MASP1: variants seen among roughly 807,000 people sequenced by gnomAD.
MASP1 encodes the protein mannan-binding lectin serine protease 1.
MASP1 carries 59 observed loss-of-function variants against 77.1 expected under a neutral mutation model. That is an observed-to-expected ratio of 0.77 (90% CI 0.62 to 0.95). MASP1 has a LOEUF of 0.95. Ranked by LOEUF, MASP1 falls within the 40% of genes least tolerant of loss-of-function variation. The probability of loss-of-function intolerance (pLI) is 0.00; values close to 1 mark genes in which losing one functional copy is unlikely to be tolerated. For missense variants in MASP1, 885 were observed against 912.9 expected (o/e 0.97, Z 0.39); for synonymous variants, 362 against 354.5 (o/e 1.02, Z -0.24).
chr3:187,251,594 G>C (rs770045974), intron 7 of MASP1, 40 bp downstream of exon 7: 5 of 1,548,166 alleles, frequency 3.2e-6, no homozygotes, highest in Non-Finnish European at 4.5e-6. Flanking sequence ...GAGAGTTTCT[G>C]TGGCCTGGTC....
At chr3:187,276,852 G>A (rs1168355967) in intron 2 of MASP1, 1 of 152,176 alleles carries the variant, frequency 6.6e-6, no homozygotes. Flanking sequence ...TGGGGCCAAG[G>A]CCTCCTGTCC....
At chr3:187,286,443 TG>T (rs926011237) in intron 1 of MASP1, among the ~76,000 whole-genome samples, 50 of 152,372 alleles carry the variant, frequency 3.3e-4, no homozygotes, top group African/African-American at 1.1e-3. Context: ...GTTATCATAC[TG>T]GGTGAGGCTT....
chr3:187,232,604 T>C (rs1390046141), downstream of MASP1, among the ~76,000 whole-genome samples: 1 of 152,162 alleles, frequency 6.6e-6, no homozygotes, highest in Admixed American at 6.5e-5. Flanking sequence ...AACCCCATGT[T>C]CAATCAGTCG....
At chr3:187,248,670 T>G (rs1714306272) in intron 8 of MASP1, among the ~76,000 whole-genome samples, 1 of 152,112 alleles carries the variant, frequency 6.6e-6, no homozygotes, top group Non-Finnish European at 1.5e-5. Flanking sequence ...CCACCACCAC[T>G]TGAGTTCCGC....
chr3:187,256,163 C>T (rs915839438), intron 5 of MASP1, among the ~76,000 whole-genome samples: 1 of 152,170 alleles, frequency 6.6e-6, no homozygotes, highest in Non-Finnish European at 1.5e-5. Context: ...GACATAGCCT[C>T]TTCCCGCAAG....
Position 187,271,864 on chromosome 3 carries a change from G to A in MASP1, c.238-9144C>T, listed in dbSNP as rs753380397. 3.9e-4 allele frequency among the ~76,000 whole-genome samples: 59 copies of A among 152,100 alleles called. 1 individual carries two copies. The highest frequency in any genetic ancestry group is 2.9e-5 in the Non-Finnish European group (2 of 68,022). On this transcript the variant is annotated intron_variant, in intron 2 of 10. Transcript: ENST00000296280. Reference sequence around the variant, plus strand: ...CCCTTCATCACAGAACATGGCGTGGGAACTCCTCAGCACTCTGTCACCTCC... The same window carrying A: ...CCCTTCATCACAGAACATGGCGTGGAAACTCCTCAGCACTCTGTCACCTCC...
rs1461266869 is a variant in MASP1 at position 187,241,528 on chromosome 3, A to T, written c.1256T>A (p.Val419Asp). 1 of 1,613,448 alleles carries T rather than the reference A, an allele frequency of 6.2e-7. No individual in the cohort carries two copies. Among genetic ancestry groups the T allele is most frequent in the East Asian group, 2.2e-5 (1 of 44,854 alleles). ...TCTCCCCAATACTTTATTCATCCAGACTCCTTGGGCAGAACAGGTATATAT... is the reference window on the plus strand; with the variant it reads ...TCTCCCCAATACTTTATTCATCCAGTCTCCTTGGGCAGAACAGGTATATAT... ...TGIYTCSAQG[V>D]WMNKVLGRSL... Residue 419 changes from valine to aspartate, a missense_variant, in exon 10 of 11, where the codon GTC (valine) becomes GAC (aspartate). Val to Asp is a radical substitution (Grantham distance 152, BLOSUM62 -3). Transcript: ENST00000296280.
In MASP1 at chr3:187,235,708, A is replaced by C; in HGVS notation, c.2163T>G (p.Val721=). 6.2e-7 allele frequency: 1 copy of C among 1,614,158 alleles called. No homozygotes were observed. The highest frequency in any genetic ancestry group is 8.5e-7 in the Non-Finnish European group (1 of 1,180,024). ...CTCACCGTTCCACCTGGGGCTCCAC[A>C]ACACTTTGTGGTAAGCCCATCTGCT... is the stretch of plus-strand genomic sequence containing the variant. ...VWEQMGLPQS[V]VEPQVER Residue 721 remains valine (V), a synonymous_variant, in exon 11 of 11, where the codon GTT becomes GTG. Transcript: ENST00000296280.
chr3:187,257,000 A>G, intron 4 of MASP1, 140 bp from the exon 5 acceptor site: 1 of 741,148 alleles, frequency 1.3e-6, no homozygotes, highest in Non-Finnish European at 2.4e-6. Context: ...TACAGATGGG[A>G]AAAATGAAGC....
Position 187,234,127 on chromosome 3 carries a change from G to A in MASP1, c.*1557C>T. On this transcript the variant is annotated 3_prime_UTR_variant, in exon 11 of 11. Coordinates refer to ENST00000296280, the MANE Select transcript of MASP1 (RefSeq NM_139125.4). Reference sequence around the variant, plus strand: ...TTATTTCCACTTGAGACCCCTGATGGGAGCAACAATGCAGAGGCCCTTTAC... The same window carrying A: ...TTATTTCCACTTGAGACCCCTGATGAGAGCAACAATGCAGAGGCCCTTTAC... 2.3e-6 allele frequency: 3 copies of A among 1,285,784 alleles called. No homozygotes were observed. Among genetic ancestry groups the A allele is most frequent in the Non-Finnish European group, 3.0e-6 (3 of 987,538 alleles). The allele number at this position is 1,285,784 out of a possible 1,614,324, so 79.6% of individuals were successfully genotyped here.
At chr3:187,261,456 C>A (rs554595850) in intron 3 of MASP1, among the ~76,000 whole-genome samples, 1 of 152,188 alleles carries the variant, frequency 6.6e-6, no homozygotes, top group South Asian at 2.1e-4. Context: ...CAATGGCCAA[C>A]AAGCACATGA....
intron 2 of MASP1, among the ~76,000 whole-genome samples, chr3:187,264,688 T>G (rs1037547393): frequency 6.6e-6 from 1 of 152,216 alleles, no homozygotes; most frequent in Non-Finnish European, 1.5e-5. Flanking sequence ...GTCTTCTTTA[T>G]GTCATGTTTT....
chr3:187,270,263 ACTCAT>A (rs1411007014), intron 2 of MASP1, among the ~76,000 whole-genome samples: 1 of 152,106 alleles, frequency 6.6e-6, no homozygotes, highest in Non-Finnish European at 1.5e-5. Flanking sequence ...CGTCTCCTCA[ACTCAT>A]CTGTGCACTT....
chr3:187,247,037 T>C, intron 8 of MASP1: 1 of 1,307,066 alleles, frequency 7.7e-7, no homozygotes, highest in South Asian at 1.7e-5. Flanking sequence ...AGGGCATTTT[T>C]TTTTTCCGTT....
chr3:187,281,576 G>A (rs1030301456), intron 2 of MASP1, among the ~76,000 whole-genome samples: 4 of 152,198 alleles, frequency 2.6e-5, no homozygotes, highest in Non-Finnish European at 5.9e-5. Context: ...ATACCACCAA[G>A]GCATCCCCAG....
intron 10 of MASP1, among the ~76,000 whole-genome samples, chr3:187,237,101 C>T (rs1415352585): frequency 6.6e-6 from 1 of 152,190 alleles, no homozygotes; most frequent in African/African-American, 2.4e-5. Flanking sequence ...TGGCTTTTCT[C>T]TTCCATTTCC....
Position 187,261,436 on chromosome 3 carries a change from AG to A in MASP1, c.416-565del, listed in dbSNP as rs554291391. Among the ~76,000 whole-genome samples the A allele has an allele frequency of 3.7e-3, 567 of 152,348 alleles. 2 individuals are homozygous for A. The highest frequency in any genetic ancestry group is 0.014 in the Middle Eastern group (4 of 294). ...GCATTTGAATGTACATTTCCCCAAA[AG>A]GGATAAACCAATGGCCAACAAGCAC... On this transcript the variant is annotated intron_variant, in intron 3 of 10. Transcript: ENST00000296280.
chr3:187,278,527 T>A (rs1717147780), intron 2 of MASP1, among the ~76,000 whole-genome samples: 1 of 152,212 alleles, frequency 6.6e-6, no homozygotes, highest in Non-Finnish European at 1.5e-5. Flanking sequence ...CTCTTACGAC[T>A]CTTTAAGCTC....
At chr3:187,274,226 AATAATG>A (rs1354805950) in intron 2 of MASP1, among the ~76,000 whole-genome samples, 2 of 152,094 alleles carry the variant, frequency 1.3e-5, no homozygotes, top group Non-Finnish European at 2.9e-5. Flanking sequence ...AAGTAATAAA[AATAATG>A]ATGATGATAA....
Sources: allele counts gnomAD v4.1 joint callset (sites outside exome capture counted in the v4.1 genomes callset), GRCh38; gene constraint gnomAD v4.1.1; transcripts MANE v1.5; gene names NCBI Gene and HGNC (gene_info 2026-07-23, HGNC 2026-07-21).